Variants in SLC17A1 observed in about 807,000 individuals in gnomAD.
SLC17A1 encodes the protein solute carrier family 17 member 1, also known as sodium-dependent phosphate transport protein 1.
A neutral mutation model predicts 53.5 loss-of-function variants in SLC17A1; 51 were observed. The observed-to-expected ratio is 0.95, with a 90% CI of 0.76 to 1.20. The LOEUF (loss-of-function observed/expected upper bound fraction) is 1.20. Ranked by LOEUF, SLC17A1 falls within the 50% of genes most tolerant of loss-of-function variation. The pLI is 0.00. For synonymous variants in SLC17A1, 179 were observed against 198.8 expected (o/e 0.90, Z 0.84); for missense variants, 538 against 568.2 (o/e 0.95, Z 0.54).
the SLC17A1 span, chr6:25,773,189 C>G: frequency 6.7e-6 from 7 of 1,044,876 alleles, no homozygotes; most frequent in Non-Finnish European, 1.0e-5. Flanking sequence ...AGGCCAGTCA[C>G]TCTGTCAACC....
the SLC17A1 span, among the ~76,000 whole-genome samples, chr6:25,736,882 T>C: frequency 6.6e-6 from 1 of 152,148 alleles, no homozygotes; most frequent in Non-Finnish European, 1.5e-5. Flanking sequence ...TTTGCAAAAA[T>C]TGTAACAGTG....
chr6:25,796,784 C>A (rs1275124801), intron 12 of SLC17A1, among the ~76,000 whole-genome samples: 1 of 152,120 alleles, frequency 6.6e-6, no homozygotes, highest in African/African-American at 2.4e-5. Flanking sequence ...AAGTAGACAA[C>A]CATATCATCT....
At chr6:25,773,681 A>G in the SLC17A1 span, 10 of 1,611,888 alleles carry the variant, frequency 6.2e-6, no homozygotes, top group Non-Finnish European at 8.5e-6. Flanking sequence ...AGATGTAAGT[A>G]CAGAGAAAGC....
chr6:25,751,462 C>T, the SLC17A1 span, among the ~76,000 whole-genome samples: 1 of 152,158 alleles, frequency 6.6e-6, no homozygotes, highest in East Asian at 1.9e-4. Flanking sequence ...ACTTGCTTTG[C>T]CCAATGAAAT....
At chr6:25,802,001 C>A (rs749608076) in intron 10 of SLC17A1, among the ~76,000 whole-genome samples, 1 of 152,178 alleles carries the variant, frequency 6.6e-6, no homozygotes, top group Non-Finnish European at 1.5e-5. Flanking sequence ...ATTGTCCCCA[C>A]TATTTGTTGT....
intron 3 of SLC17A1, among the ~76,000 whole-genome samples, chr6:25,821,413 G>A (rs1285930952): frequency 6.6e-6 from 1 of 152,216 alleles, no homozygotes; most frequent in Non-Finnish European, 1.5e-5. Context: ...TGCCAGGGAA[G>A]TTCCAGATCT....
At chr6:25,761,662 T>C in the SLC17A1 span, among the ~76,000 whole-genome samples, 9 of 152,142 alleles carry the variant, frequency 5.9e-5, no homozygotes, top group East Asian at 3.8e-4. Context: ...AACACAGAAC[T>C]AGAAAGGATA....
chr6:25,798,330 T>C (rs1330412595), intron 12 of SLC17A1, among the ~76,000 whole-genome samples: 2 of 152,228 alleles, frequency 1.3e-5, no homozygotes, highest in African/African-American at 4.8e-5. Context: ...GTCTCCATCA[T>C]TCATTTGAAA....
the SLC17A1 span, among the ~76,000 whole-genome samples, chr6:25,773,873 A>G: frequency 6.6e-6 from 1 of 152,146 alleles, no homozygotes; most frequent in Admixed American, 6.5e-5. Flanking sequence ...CAGGAGGATG[A>G]TACATATGGT....
chr6:25,799,083 A>G (rs1763674948), intron 11 of SLC17A1, among the ~76,000 whole-genome samples, 164 bp from the exon 12 acceptor site: 1 of 152,200 alleles, frequency 6.6e-6, no homozygotes, highest in South Asian at 2.1e-4. Context: ...TTATAAAATA[A>G]TCACTTTTAT....
chr6:25,724,534 A>G, the SLC17A1 span, among the ~76,000 whole-genome samples: 21 of 152,366 alleles, frequency 1.4e-4, no homozygotes, highest in South Asian at 1.2e-3. Flanking sequence ...TTCTATCTAA[A>G]CATTTAGTTT....
At chr6:25,827,393 A>G (rs958985342) in intron 2 of SLC17A1, among the ~76,000 whole-genome samples, 1 of 152,204 alleles carries the variant, frequency 6.6e-6, no homozygotes, top group African/African-American at 2.4e-5. Context: ...AAATAAAAGG[A>G]AAGAACTACT....
At chr6:25,766,297 A>G in the SLC17A1 span, among the ~76,000 whole-genome samples, 1 of 152,054 alleles carries the variant, frequency 6.6e-6, no homozygotes. Context: ...ACAGAAACAA[A>G]CAAATATATT....
At chr6:25,758,064 A>C in the SLC17A1 span, among the ~76,000 whole-genome samples, 1 of 152,180 alleles carries the variant, frequency 6.6e-6, no homozygotes, top group African/African-American at 2.4e-5. Flanking sequence ...CACAGCCTCC[A>C]GTGTGGTGTA....
At chr6:25,801,387 T>C (rs1424304504) in intron 10 of SLC17A1, among the ~76,000 whole-genome samples, 1 of 152,198 alleles carries the variant, frequency 6.6e-6, no homozygotes, top group Non-Finnish European at 1.5e-5. Context: ...CCAAAATTGC[T>C]TCCAATACTC....
At chr6:25,759,644 C>T in the SLC17A1 span, among the ~76,000 whole-genome samples, 1 of 152,150 alleles carries the variant, frequency 6.6e-6, no homozygotes, top group African/African-American at 2.4e-5. Context: ...CAGAGTGAGA[C>T]TCCGTCTCAA....
intron 11 of SLC17A1, among the ~76,000 whole-genome samples, 196 bp downstream of exon 11, chr6:25,800,694 T>C (rs1165211): frequency 0.38 from 58,177 of 151,920 alleles, 11,980 homozygotes; most frequent in East Asian, 0.7. Context: ...ACATATCTAA[T>C]TGACAAATAA....
At chr6:25,815,501 CT>C (rs1764319179) in intron 6 of SLC17A1, among the ~76,000 whole-genome samples, 1 of 152,084 alleles carries the variant, frequency 6.6e-6, no homozygotes, top group Non-Finnish European at 1.5e-5. Context: ...GCTTTCTCTT[CT>C]TTTCCCCTTT....
At chr6:25,815,761 G>A (rs556505851) in intron 6 of SLC17A1, among the ~76,000 whole-genome samples, 1 of 152,244 alleles carries the variant, frequency 6.6e-6, no homozygotes, top group Non-Finnish European at 1.5e-5. Flanking sequence ...TCCACCTGGA[G>A]AGCATATTGA....
Sources: gnomAD v4.1 joint callset for allele counts (sites outside exome capture counted in the v4.1 genomes callset) on GRCh38, gnomAD v4.1.1 for gene constraint, MANE v1.5 for transcripts, NCBI Gene and HGNC (gene_info 2026-07-23, HGNC 2026-07-21) for gene names.